Variants in CFAP57 observed in about 807,000 individuals in gnomAD.
The protein encoded by CFAP57 is cilia and flagella associated protein 57.
A neutral mutation model predicts 146.8 loss-of-function variants in CFAP57; 116 were observed. The observed-to-expected ratio is 0.79, with a 90% CI of 0.68 to 0.92. The LOEUF is 0.92. Among genes scored for constraint, CFAP57 ranks in the 40% least tolerant of loss-of-function variants. CFAP57 has a pLI of 0.00. For synonymous variants in CFAP57, 518 were observed against 552.8 expected, an observed-to-expected ratio of 0.94 and a Z score of 0.88; for missense variants, 1,377 against 1,527.2, an observed-to-expected ratio of 0.90 and a Z score of 1.64.
chr1:43,190,541 A>G (rs1222804395), intron 6 of CFAP57, among the ~76,000 whole-genome samples: 2 of 152,096 alleles, frequency 1.3e-5, no homozygotes, highest in Non-Finnish European at 2.9e-5. Flanking sequence ...AAGTGCTGGG[A>G]TTACAGGCGT....
At chr1:43,221,836 T>G (rs1645057173) in intron 14 of CFAP57, among the ~76,000 whole-genome samples, 1 of 152,194 alleles carries the variant, frequency 6.6e-6, no homozygotes, top group South Asian at 2.1e-4. Flanking sequence ...ACTCAGGATA[T>G]TCTTCTTGGC....
intron 5 of CFAP57, 84 bp from the exon 6 acceptor site, chr1:43,186,610 CAAAAAAAAAAAAA>C (rs36219136): frequency 3.9e-5 from 29 of 750,342 alleles, no homozygotes; most frequent in Non-Finnish European, 5.3e-5. Context: ...GACTCCGTCT[CAAAAAAAAAAAAA>C]AAAAAAAAAA....
chr1:43,191,662 AT>A (rs61706131), intron 6 of CFAP57, among the ~76,000 whole-genome samples: 34 of 143,442 alleles, frequency 2.4e-4, no homozygotes, highest in Admixed American at 8.4e-4. Flanking sequence ...TCCTCCCCCC[AT>A]TTTTTTTTAT....
intron 11 of CFAP57, chr1:43,210,322 C>A: frequency 7.1e-7 from 1 of 1,407,696 alleles, no homozygotes; most frequent in Non-Finnish European, 9.2e-7. Flanking sequence ...AAAAGGCCAC[C>A]CCAGGGGCAA....
chr1:43,213,845 G>A (rs922713843), intron 11 of CFAP57, among the ~76,000 whole-genome samples: 2 of 148,184 alleles, frequency 1.3e-5, no homozygotes, highest in African/African-American at 4.9e-5. Flanking sequence ...TTGGCCATTT[G>A]TATGTCTTCT....
chr1:43,223,730 G>A (rs1645139185), intron 16 of CFAP57, among the ~76,000 whole-genome samples: 1 of 151,946 alleles, frequency 6.6e-6, no homozygotes, highest in Non-Finnish European at 1.5e-5. Context: ...AGATCAGTGT[G>A]GTCATAGAAG....
chr1:43,231,481 A>C (rs1645463877), intron 18 of CFAP57, among the ~76,000 whole-genome samples: 1 of 152,236 alleles, frequency 6.6e-6, no homozygotes, highest in Admixed American at 6.5e-5. Flanking sequence ...GCTCATGCAC[A>C]GCTAGTCTCA....
intron 10 of CFAP57, among the ~76,000 whole-genome samples, chr1:43,207,614 C>T (rs1031881998): frequency 1.3e-5 from 2 of 152,242 alleles, no homozygotes; most frequent in African/African-American, 4.8e-5. Flanking sequence ...GTGCAGTGAG[C>T]TGCTCTCACC....
chr1:43,197,327 A>G (rs1449011146), intron 6 of CFAP57, among the ~76,000 whole-genome samples: 1 of 152,240 alleles, frequency 6.6e-6, no homozygotes, highest in Non-Finnish European at 1.5e-5. Flanking sequence ...ACTGCACTCC[A>G]GCCTGGGGGA....
chr1:43,249,767 T>A (rs978579619), intron 22 of CFAP57, among the ~76,000 whole-genome samples: 2 of 151,998 alleles, frequency 1.3e-5, no homozygotes, highest in African/African-American at 4.8e-5. Flanking sequence ...TAATAGCCAG[T>A]GAACATCAGG....
chr1:43,185,404 T>G lies in CFAP57; in HGVS notation c.969+48T>G, dbSNP rs533592160. The G allele has an allele frequency of 7.0e-6, 11 of 1,564,400 alleles. No individual in the cohort carries two copies. The African/African-American group carries it at 1.4e-4, about 19-fold the overall frequency. On this transcript the variant is annotated intron_variant, in intron 5 of 22. Coordinates refer to ENST00000372492, the MANE Select transcript of CFAP57 (RefSeq NM_001378189.1). The stretch of plus-strand genomic sequence containing the variant: ...AAGTAAAATGGGGGTCCTATTGGCA[T>G]TTGTTCCCCAGCAGCAGTTCTCTGA...
intron 6 of CFAP57, among the ~76,000 whole-genome samples, chr1:43,191,335 C>A (rs1643507210): frequency 6.6e-6 from 1 of 152,138 alleles, no homozygotes; most frequent in African/African-American, 2.4e-5. Context: ...CGCCTGCAAT[C>A]CCAGCACTTT....
rs41312629 is a variant in CFAP57 at position 43,209,600 on chromosome 1, G to A, written c.1756-143G>A. ...CTTTTTTTGTGCTAGGCACTATACC[G>A]GATGCCAAAAGGGGATAGAAAAAGC... On this transcript the variant is annotated intron_variant, in intron 10 of 22. Coordinates refer to ENST00000372492, the MANE Select transcript of CFAP57 (RefSeq NM_001378189.1). 13,153 of 774,978 alleles carry A rather than the reference G, an allele frequency of 0.017. 271 individuals are homozygous for A. The highest frequency in any genetic ancestry group is 0.059 in the South Asian group (3,732 of 63,358). 48.0% of individuals were successfully genotyped at this position (774,978 alleles called of 1,614,324 possible). A position where few individuals can be genotyped will look rare whatever the true frequency, so the allele number is the denominator to read the frequency against.
intron 12 of CFAP57, 93 bp from the exon 13 acceptor site, chr1:43,219,289 A>G (rs1644955141): frequency 2.3e-6 from 3 of 1,324,362 alleles, no homozygotes; most frequent in Non-Finnish European, 3.0e-6. Context: ...GAAGCTAGGC[A>G]GAGCTGCAGG....
rs1644527949 is a variant in CFAP57, at chr1:43,209,968, G to A, written c.1929+52G>A. The A allele has an allele frequency of 3.7e-6, 6 of 1,613,364 alleles. No homozygotes were observed. The highest frequency in any genetic ancestry group is 3.3e-5 in the South Asian group (3 of 91,062). Reference sequence around the variant, plus strand: ...CCAGTCCCACACCTGCCTGCTACGTGCCTTGTTCATCCCTTCAACCTCCCA... The same window carrying A: ...CCAGTCCCACACCTGCCTGCTACGTACCTTGTTCATCCCTTCAACCTCCCA... On this transcript the variant is annotated intron_variant, in intron 11 of 22. Transcript: ENST00000372492.
intron 9 of CFAP57, among the ~76,000 whole-genome samples, chr1:43,203,853 T>G (rs1644240347): frequency 6.6e-6 from 1 of 152,234 alleles, no homozygotes; most frequent in African/African-American, 2.4e-5. Flanking sequence ...TGGAGTTTAT[T>G]GTACTTCTTG....
At chr1:43,183,027 CTAGGG>C (rs1189200938) in intron 3 of CFAP57, among the ~76,000 whole-genome samples, 1 of 152,268 alleles carries the variant, frequency 6.6e-6, no homozygotes, top group East Asian at 1.9e-4. Context: ...CGCTCAATCA[CTAGGG>C]TAACAACCAA....
chr1:43,240,289 C>T lies in CFAP57; in HGVS notation c.3406-2938C>T, dbSNP rs59622539. Reference sequence around the variant, plus strand: ...TCTAGAGACCTGCTTTGCCTCACATCGCTAAGCTGCTTTTAAGCTAATTTT... The same window carrying T: ...TCTAGAGACCTGCTTTGCCTCACATTGCTAAGCTGCTTTTAAGCTAATTTT... On this transcript the variant is annotated intron_variant, in intron 21 of 22. Coordinates refer to ENST00000372492, the MANE Select transcript of CFAP57 (RefSeq NM_001378189.1). Among the ~76,000 whole-genome samples, 663 of 152,284 alleles carry T rather than the reference C, an allele frequency of 4.4e-3. 2 individuals carry two copies. Among genetic ancestry groups the T allele is most frequent in the African/African-American group, 0.015 (635 of 41,546 alleles).
intron 6 of CFAP57, among the ~76,000 whole-genome samples, chr1:43,187,314 C>T (rs1332381779): frequency 6.6e-6 from 1 of 152,064 alleles, no homozygotes; most frequent in East Asian, 1.9e-4. Context: ...CTTAAAATGG[C>T]TCAGTACCAA....
Sources: allele counts gnomAD v4.1 joint callset (sites outside exome capture counted in the v4.1 genomes callset), GRCh38; gene constraint gnomAD v4.1.1; transcripts MANE v1.5; gene names NCBI Gene and HGNC (gene_info 2026-07-23, HGNC 2026-07-21).